Variants in TENM4 observed in about 807,000 individuals in gnomAD.
The protein encoded by TENM4 is teneurin-4.
In TENM4, 82 loss-of-function variants were observed where a neutral mutation model predicts 243.3. That is an observed-to-expected ratio of 0.34 (90% confidence interval 0.28 to 0.40). The LOEUF is 0.40. Among genes scored for constraint, TENM4 ranks in the 10% least tolerant of loss-of-function variants. The probability of loss-of-function intolerance (pLI) is 1.00; values close to 1 mark genes in which losing one functional copy is unlikely to be tolerated. For missense variants in TENM4, 3,138 were observed against 3,673.3 expected (o/e 0.85, Z 3.77); for synonymous variants, 1,412 against 1,456.3 (o/e 0.97, Z 0.69).
intron 4 of TENM4, among the ~76,000 whole-genome samples, chr11:79,122,978 T>G (rs1321550397): frequency 2.0e-5 from 3 of 152,200 alleles, no homozygotes; most frequent in Admixed American, 2.0e-4. Context: ...ACCTGAGCCT[T>G]ACCTCAAACA....
intron 5 of TENM4, among the ~76,000 whole-genome samples, chr11:79,066,738 ACATG>A (rs1860268360): frequency 6.8e-6 from 1 of 147,660 alleles, no homozygotes. Flanking sequence ...ACGCGCACGC[ACATG>A]CACACACGCA....
At chr11:78,718,029 T>A (rs1030962164) in intron 25 of TENM4, among the ~76,000 whole-genome samples, 1 of 152,134 alleles carries the variant, frequency 6.6e-6, no homozygotes, top group Admixed American at 6.5e-5. Context: ...ATGAGTCTGC[T>A]CCGGGGAAGC....
chr11:78,675,192 C>T (rs1222108042), intron 30 of TENM4, among the ~76,000 whole-genome samples: 3 of 152,138 alleles, frequency 2.0e-5, no homozygotes, highest in East Asian at 1.9e-4. Context: ...ACCACCACCT[C>T]GCTATGAGAC....
intron 4 of TENM4, among the ~76,000 whole-genome samples, chr11:79,126,703 C>A (rs539821421): frequency 2.6e-5 from 4 of 152,276 alleles, no homozygotes; most frequent in Admixed American, 2.6e-4. Context: ...AGAATCATGG[C>A]CCCTCAATCA....
At chr11:79,383,548 A>G (rs964592518) in intron 1 of TENM4, among the ~76,000 whole-genome samples, 1 of 152,194 alleles carries the variant, frequency 6.6e-6, no homozygotes, top group Non-Finnish European at 1.5e-5. Flanking sequence ...AAACTCAGTA[A>G]GGAGTAAACC....
At chr11:78,826,608 A>T (rs905087140) in intron 12 of TENM4, among the ~76,000 whole-genome samples, 2 of 152,020 alleles carry the variant, frequency 1.3e-5, no homozygotes, top group African/African-American at 4.8e-5. Flanking sequence ...ACTCCAGATG[A>T]TAAGGGGCAG....
At chr11:79,041,341 G>A (rs956561980) in intron 6 of TENM4, among the ~76,000 whole-genome samples, 15 of 152,036 alleles carry the variant, frequency 9.9e-5, no homozygotes, top group Non-Finnish European at 1.9e-4. Flanking sequence ...TGGGATTATA[G>A]GCATGAGCCA....
At chr11:79,077,993 G>A (rs1860575083) in intron 4 of TENM4, among the ~76,000 whole-genome samples, 1 of 152,158 alleles carries the variant, frequency 6.6e-6, no homozygotes, top group Non-Finnish European at 1.5e-5. Context: ...GGTGTTTGAG[G>A]AGAAATTCAA....
intron 4 of TENM4, among the ~76,000 whole-genome samples, chr11:79,075,353 C>A (rs1860513731): frequency 6.6e-6 from 1 of 152,190 alleles, no homozygotes; most frequent in Admixed American, 6.5e-5. Flanking sequence ...AGAATGAGCT[C>A]CAGGCTAGGA....
At chr11:78,756,512 A>G in intron 19 of TENM4, 1 of 387,892 alleles carries the variant, frequency 2.6e-6, no homozygotes, top group South Asian at 2.5e-5. Context: ...GCTGACTGCA[A>G]AGTGGGTATT....
At chr11:78,821,618 C>T (rs974085502) in intron 12 of TENM4, among the ~76,000 whole-genome samples, 23 of 152,264 alleles carry the variant, frequency 1.5e-4, no homozygotes, top group East Asian at 9.6e-4. Flanking sequence ...TAAGCTAGAA[C>T]GTGTTCACTG....
chr11:78,761,525 C>T (rs1856430694), intron 18 of TENM4, among the ~76,000 whole-genome samples: 1 of 151,944 alleles, frequency 6.6e-6, no homozygotes, highest in South Asian at 2.1e-4. Flanking sequence ...AGGCGTGAGC[C>T]ACTGTGCCTG....
Position 78,925,968 on chromosome 11 carries a change from AC to A in TENM4, c.494-22446del, listed in dbSNP as rs1318572458. Among the ~76,000 whole-genome samples, 458 of 152,040 alleles carry A rather than the reference AC, an allele frequency of 3.0e-3. 2 individuals are homozygous for A. Among genetic ancestry groups the A allele is most frequent in the African/African-American group, 0.01 (432 of 41,450 alleles). Reference sequence around the variant, plus strand: ...GGAGGAAAAGAAATAAAAAAAAAAAACAACCCCAAAGCCCATATATTACATA... The same window carrying A: ...GGAGGAAAAGAAATAAAAAAAAAAAAAACCCCAAAGCCCATATATTACATA... On this transcript the variant is annotated intron_variant, in intron 6 of 33. Transcript: ENST00000278550.
chr11:79,128,629 G>A (rs1389466611), intron 4 of TENM4, among the ~76,000 whole-genome samples: 1 of 152,178 alleles, frequency 6.6e-6, no homozygotes, highest in African/African-American at 2.4e-5. Context: ...TGATATGCAT[G>A]CACCACCTGG....
intron 12 of TENM4, among the ~76,000 whole-genome samples, chr11:78,835,373 G>T: frequency 6.6e-6 from 1 of 152,130 alleles, no homozygotes; most frequent in South Asian, 2.1e-4. Context: ...GGGCATGGTG[G>T]TACACACCTG....
At chr11:79,075,853 A>C (rs866934836) in intron 4 of TENM4, among the ~76,000 whole-genome samples, 24 of 152,226 alleles carry the variant, frequency 1.6e-4, no homozygotes, top group South Asian at 1.0e-3. Context: ...TGCCTTAGAG[A>C]AGAATTCATT....
At chr11:79,019,798 A>G (rs1858880050) in intron 6 of TENM4, among the ~76,000 whole-genome samples, 1 of 152,186 alleles carries the variant, frequency 6.6e-6, no homozygotes, top group Non-Finnish European at 1.5e-5. Flanking sequence ...GTGAAATTAG[A>G]AGGCAGCATT....
In TENM4 at chr11:78,868,916, GT is replaced by G. The variant is rs568334762; in HGVS notation, c.1085-5785del. ...CTTTTCTGTTTTATATTAGTGCTCAGTTTTTTTTTTTAAATGACTATTTCTA... is the reference window on the plus strand; with the variant it reads ...CTTTTCTGTTTTATATTAGTGCTCAGTTTTTTTTTTAAATGACTATTTCTA... On this transcript the variant is annotated intron_variant, in intron 9 of 33. Coordinates refer to ENST00000278550, the MANE Select transcript of TENM4 (RefSeq NM_001098816.3). 3.5e-3 allele frequency among the ~76,000 whole-genome samples: 524 copies of G among 148,358 alleles called. 4 individuals carry two copies. The highest frequency in any genetic ancestry group is 0.012 in the African/African-American group (486 of 40,632).
At chr11:79,066,601 C>T (rs565558720) in intron 5 of TENM4, among the ~76,000 whole-genome samples, 12 of 152,068 alleles carry the variant, frequency 7.9e-5, no homozygotes, top group South Asian at 2.1e-4. Flanking sequence ...CAAGCACACA[C>T]GCGCGTGCAC....
Sources: allele counts gnomAD v4.1 joint callset (sites outside exome capture counted in the v4.1 genomes callset), GRCh38; gene constraint gnomAD v4.1.1; transcripts MANE v1.5; gene names NCBI Gene and HGNC (gene_info 2026-07-23, HGNC 2026-07-21).